Variants in GRM5 observed in about 807,000 individuals in gnomAD.
GRM5 encodes metabotropic glutamate receptor 5.
In GRM5, 19 loss-of-function variants were observed where a neutral mutation model predicts 83.1. That is an observed-to-expected ratio of 0.23 (90% CI 0.16 to 0.34). GRM5 has a LOEUF of 0.34. GRM5 is among the 10% of genes least tolerant of loss of function. The probability of loss-of-function intolerance (pLI) is 1.00; values close to 1 mark genes in which losing one functional copy is unlikely to be tolerated. For missense variants in GRM5, 1,160 were observed against 1,588.3 expected (o/e 0.73, Z 4.58); for synonymous variants, 675 against 633.6 (o/e 1.07, Z -0.98).
intron 2 of GRM5, among the ~76,000 whole-genome samples, chr11:88,944,096 A>C (rs1938197926): frequency 6.6e-6 from 1 of 152,040 alleles, no homozygotes; most frequent in African/African-American, 2.4e-5. Context: ...TTGAAGGATA[A>C]GTTGGTTGTT....
chr11:88,723,883 T>G (rs888879100), intron 3 of GRM5, among the ~76,000 whole-genome samples: 2 of 152,152 alleles, frequency 1.3e-5, no homozygotes, highest in South Asian at 4.1e-4. Flanking sequence ...AAATCTTGTT[T>G]CATTTTAGAT....
chr11:88,508,554 G>A lies in GRM5; in HGVS notation c.*38C>T. 2 of 1,557,014 alleles carry A rather than the reference G, an allele frequency of 1.3e-6. No homozygotes were observed. Among genetic ancestry groups the A allele is most frequent in the Non-Finnish European group, 1.8e-6 (2 of 1,134,468 alleles). ...TGTGTGTGTGAACACGGGGGGCTCC[G>A]CTCCGCACGCGCAGGCCGGCGTGCT... On this transcript the variant is annotated 3_prime_UTR_variant, in exon 10 of 10. Transcript: ENST00000305447. This position sits in a 1 kb window ranked among gnomAD's most constrained non-coding sequence, Gnocchi z 4.2.
intron 4 of GRM5, among the ~76,000 whole-genome samples, chr11:88,618,956 G>A (rs1446528287): frequency 6.6e-6 from 1 of 152,148 alleles, no homozygotes; most frequent in Non-Finnish European, 1.5e-5. Context: ...AGCATGTAGA[G>A]AGGAAATGGA....
At chr11:88,874,298 C>T (rs1944815329) in intron 2 of GRM5, among the ~76,000 whole-genome samples, 1 of 151,734 alleles carries the variant, frequency 6.6e-6, no homozygotes, top group Admixed American at 6.6e-5. Context: ...CATTTCCAGC[C>T]AATTGCTTTT....
In GRM5 at chr11:88,906,880, A is replaced by T. The variant is rs142960378; in HGVS notation, c.662-56725T>A. On this transcript the variant is annotated intron_variant, in intron 2 of 9. Coordinates refer to ENST00000305447, the MANE Select transcript of GRM5 (RefSeq NM_001143831.3). ...GAATCCACGCCAGAAAAGGCTAATT[A>T]AGGAGTTAATCAATTACCATTATCA... Among the ~76,000 whole-genome samples the T allele has an allele frequency of 4.0e-3, 607 of 152,320 alleles. 2 individuals are homozygous for T. The highest frequency in any genetic ancestry group is 0.014 in the African/African-American group (572 of 41,582).
intron 3 of GRM5, among the ~76,000 whole-genome samples, chr11:88,709,868 T>G (rs769957601): frequency 1.3e-5 from 2 of 152,202 alleles, no homozygotes; most frequent in Admixed American, 1.3e-4. Context: ...CTGTTCTCAA[T>G]AGGAAACAAC....
chr11:88,887,030 C>T (rs894562119), intron 2 of GRM5, among the ~76,000 whole-genome samples: 10 of 152,134 alleles, frequency 6.6e-5, no homozygotes, highest in Non-Finnish European at 1.2e-4. Context: ...TGAGGCACAT[C>T]GTTGGTCCTT....
intron 2 of GRM5, among the ~76,000 whole-genome samples, chr11:88,991,922 C>G (rs1166321651): frequency 6.6e-6 from 1 of 152,064 alleles, no homozygotes; most frequent in Non-Finnish European, 1.5e-5. Flanking sequence ...AGAAGAAAAC[C>G]CAGGCAGTAC....
intron 3 of GRM5, among the ~76,000 whole-genome samples, chr11:88,761,742 C>T (rs1305267505): frequency 2.0e-5 from 3 of 152,092 alleles, no homozygotes; most frequent in Admixed American, 6.6e-5. Flanking sequence ...TTCCGAATAG[C>T]CAAGACAATT....
chr11:88,871,373 C>A (rs1565270195), intron 2 of GRM5, among the ~76,000 whole-genome samples: 1 of 151,546 alleles, frequency 6.6e-6, no homozygotes, highest in Non-Finnish European at 1.5e-5. Context: ...AAAGAGGTCA[C>A]TGGAAATAGA....
intron 8 of GRM5, among the ~76,000 whole-genome samples, chr11:88,535,509 G>T (rs775957401): frequency 6.6e-6 from 1 of 152,192 alleles, no homozygotes; most frequent in Non-Finnish European, 1.5e-5. Context: ...GAAATAAGTA[G>T]GTCCTTGAGC....
At chr11:88,956,550 T>A (rs1052061508) in intron 2 of GRM5, among the ~76,000 whole-genome samples, 3 of 152,184 alleles carry the variant, frequency 2.0e-5, no homozygotes, top group African/African-American at 7.2e-5. Context: ...CTCACGCCTG[T>A]AAACCCAGCA....
chr11:88,800,861 C>T (rs532810160), intron 3 of GRM5, among the ~76,000 whole-genome samples: 2 of 152,182 alleles, frequency 1.3e-5, no homozygotes, highest in South Asian at 4.1e-4. Context: ...GTGAAAATAA[C>T]AGCAATTTTA....
At chr11:88,519,710 T>G (rs1941625748) in intron 9 of GRM5, among the ~76,000 whole-genome samples, 1 of 152,142 alleles carries the variant, frequency 6.6e-6, no homozygotes, top group African/African-American at 2.4e-5. Context: ...TTTCCAGAAT[T>G]GATTTTTGAG....
intron 3 of GRM5, among the ~76,000 whole-genome samples, chr11:88,659,221 C>T (rs1383919129): frequency 6.6e-6 from 1 of 152,066 alleles, no homozygotes; most frequent in African/African-American, 2.4e-5. Flanking sequence ...GCTCCATGTC[C>T]TAGGCTGGAC....
At chr11:88,751,428 A>C (rs1942272021) in intron 3 of GRM5, among the ~76,000 whole-genome samples, 1 of 152,140 alleles carries the variant, frequency 6.6e-6, no homozygotes, top group South Asian at 2.1e-4. Flanking sequence ...CCCTGAATAG[A>C]CTAATAATGA....
chr11:88,639,861 T>C (rs1939242989), intron 4 of GRM5, among the ~76,000 whole-genome samples: 1 of 152,096 alleles, frequency 6.6e-6, no homozygotes, highest in South Asian at 2.1e-4. Flanking sequence ...TTGTAGAAAA[T>C]TGGTCTTTTT....
In GRM5 at chr11:88,926,228, T is replaced by C. The variant is rs1945786985; in HGVS notation, c.662-76073A>G. ...GAGCCCATATTCAAAACCAAATCCT[T>C]CTAAAATCAAAAACCAGGCTGACTC... On this transcript the variant is annotated intron_variant, in intron 2 of 9. Transcript: ENST00000305447. Among the ~76,000 whole-genome samples the C allele has an allele frequency of 2.6e-5, 4 of 152,112 alleles. No homozygotes were observed. In the South Asian group the frequency reaches 8.3e-4, roughly 31 times the overall value.
At chr11:88,779,219 G>A (rs1942923287) in intron 3 of GRM5, among the ~76,000 whole-genome samples, 1 of 152,162 alleles carries the variant, frequency 6.6e-6, no homozygotes, top group Admixed American at 6.5e-5. Flanking sequence ...AGTTATTTGT[G>A]TAAGCTGCTA....
Sources: gnomAD v4.1 joint callset for allele counts (sites outside exome capture counted in the v4.1 genomes callset) on GRCh38, gnomAD v4.1.1 for gene constraint, Gnocchi (gnomAD v3.1) non-coding constraint, MANE v1.5 for transcripts, NCBI Gene and HGNC (gene_info 2026-07-23, HGNC 2026-07-21) for gene names.